The following RANBP2 variants were observed in gnomAD, a reference collection of about 807,000 sequenced individuals.
The protein encoded by RANBP2 is E3 SUMO-protein ligase RanBP2.
Under a neutral mutation model 303.6 loss-of-function variants are expected in RANBP2, and 57 were observed. The ratio of observed to expected loss-of-function variants is 0.19; its 90% CI spans 0.15 to 0.23. The LOEUF is 0.23. Ranked by LOEUF, RANBP2 falls within the 10% of genes least tolerant of loss-of-function variation. RANBP2 has a pLI of 1.00. For synonymous variants in RANBP2, 1,167 were observed against 1,301.5 expected (o/e 0.90, Z 2.23); for missense variants, 3,138 against 3,780.8 (o/e 0.83, Z 4.46).
At chr2:108,892,879 T>G in the RANBP2 span, among the ~76,000 whole-genome samples, 1 of 152,204 alleles carries the variant, frequency 6.6e-6, no homozygotes, top group Non-Finnish European at 1.5e-5. Flanking sequence ...CTCTCTTGGA[T>G]AATGTATTCA....
Position 108,755,318 on chromosome 2 carries a change from T to A in RANBP2, c.2466+59T>A. On this transcript the variant is annotated intron_variant, in intron 17 of 28. Transcript: ENST00000283195. ...ATTCCAAGATTCCTTCCCTGGCCAC[T>A]CTCTCACTTTTTTTCTGAAGCTGGT... 3 of 1,609,204 alleles carry A rather than the reference T, an allele frequency of 1.9e-6. No homozygotes were observed. The South Asian group carries it at 3.3e-5, about 18-fold the overall frequency.
At chr2:109,150,579 C>T in the RANBP2 span, among the ~76,000 whole-genome samples, 9 of 152,122 alleles carry the variant, frequency 5.9e-5, no homozygotes, top group South Asian at 4.1e-4. Flanking sequence ...ATTGTGCAGA[C>T]GGGGAAAGTG....
In RANBP2 at chr2:108,771,792, T is replaced by G; in HGVS notation, c.7941T>G (p.Leu2647=). The change falls in exon 21 of 29, where the codon CTT becomes CTG. Residue 2647 remains leucine, a synonymous_variant. Coordinates refer to ENST00000283195, the MANE Select transcript of RANBP2 (RefSeq NM_006267.5). The part of the protein sequence containing the change: ...ELTPTAEQKA[L]ATKLKLPPTF... Reference sequence around the variant, plus strand: ...CTCCAACCGCTGAGCAGAAAGCCCTTGCAACCAAACTTAAACTTCCTCCAA... The same window carrying G: ...CTCCAACCGCTGAGCAGAAAGCCCTGGCAACCAAACTTAAACTTCCTCCAA... 1 of 1,614,080 alleles carries G rather than the reference T, an allele frequency of 6.2e-7. No homozygotes were observed. The highest frequency in any genetic ancestry group is 2.2e-5 in the East Asian group (1 of 44,872).
chr2:109,509,515 C>T, the RANBP2 span, among the ~76,000 whole-genome samples: 6,958 of 152,026 alleles, frequency 0.046, 213 homozygotes, highest in South Asian at 0.072. Flanking sequence ...TCGTCTTGCC[C>T]GGATTCATCT....
chr2:109,616,108 A>G, the RANBP2 span: 1 of 1,447,726 alleles, frequency 6.9e-7, no homozygotes. Context: ...TATTTGTCTT[A>G]ATAAATTGAA....
chr2:108,870,630 G>A, the RANBP2 span, among the ~76,000 whole-genome samples: 49 of 152,256 alleles, frequency 3.2e-4, no homozygotes, highest in East Asian at 3.3e-3. Flanking sequence ...ATGTACATAC[G>A]GTAGACTATT....
chr2:108,722,301 G>A (rs1188144510), intron 1 of RANBP2, among the ~76,000 whole-genome samples: 3 of 152,108 alleles, frequency 2.0e-5, no homozygotes, highest in Non-Finnish European at 4.4e-5. Flanking sequence ...AGAACCTGGG[G>A]ATTTCAGCGG....
At chr2:109,097,736 GGTGTGTGTGTGTGTGTGT>G in the RANBP2 span, among the ~76,000 whole-genome samples, 2 of 146,698 alleles carry the variant, frequency 1.4e-5, no homozygotes, top group East Asian at 2.0e-4. Flanking sequence ...ATGTGCTTAG[GGTGTGTGTGTGTGTGTGT>G]GTGTGTGTGT....
the RANBP2 span, among the ~76,000 whole-genome samples, chr2:109,550,159 A>T: frequency 1.3e-5 from 2 of 151,692 alleles, no homozygotes; most frequent in Non-Finnish European, 2.9e-5. Context: ...GCATGGTGGC[A>T]CATGCCTATA....
At chr2:108,755,700 C>A (rs1676257373) in intron 17 of RANBP2, among the ~76,000 whole-genome samples, 2 of 151,870 alleles carry the variant, frequency 1.3e-5, no homozygotes, top group Admixed American at 1.3e-4. Context: ...GCCTACATAC[C>A]TCGGTCTTGA....
chr2:109,732,767 A>C, the RANBP2 span: 1 of 796,876 alleles, frequency 1.3e-6, no homozygotes, highest in Non-Finnish European at 2.2e-6. Context: ...TGGCAACAAG[A>C]CTGAATTGGA....
chr2:109,225,151 T>C, the RANBP2 span, among the ~76,000 whole-genome samples: 1 of 152,186 alleles, frequency 6.6e-6, no homozygotes, highest in Non-Finnish European at 1.5e-5. Flanking sequence ...TTTCCTCTTG[T>C]GTAAAATGAG....
the RANBP2 span, among the ~76,000 whole-genome samples, chr2:108,959,206 A>G: frequency 1.3e-5 from 2 of 152,364 alleles, no homozygotes; most frequent in South Asian, 4.1e-4. Flanking sequence ...AGGCTTCAGT[A>G]AAGCTGATGG....
the RANBP2 span, among the ~76,000 whole-genome samples, chr2:108,859,196 GT>G: frequency 6.6e-6 from 1 of 152,272 alleles, no homozygotes; most frequent in Admixed American, 6.5e-5. Flanking sequence ...CTACTTGTAT[GT>G]CTTCTTTTGA....
chr2:108,889,047 T>G, the RANBP2 span, among the ~76,000 whole-genome samples: 2 of 152,258 alleles, frequency 1.3e-5, no homozygotes, highest in Non-Finnish European at 2.9e-5. Context: ...TATTAATTTC[T>G]TTTTTATCCA....
the RANBP2 span, among the ~76,000 whole-genome samples, chr2:109,612,834 CTT>C: frequency 6.6e-6 from 1 of 152,126 alleles, no homozygotes; most frequent in Non-Finnish European, 1.5e-5. Context: ...GGAGAAAAAT[CTT>C]TGTCCAGGTT....
chr2:109,057,398 G>A, the RANBP2 span, among the ~76,000 whole-genome samples: 64 of 152,304 alleles, frequency 4.2e-4, no homozygotes, highest in African/African-American at 1.5e-3. Flanking sequence ...TCTTAGTGAC[G>A]GATGACAGCT....
At chr2:109,529,179 G>T in the RANBP2 span, among the ~76,000 whole-genome samples, 2,762 of 152,302 alleles carry the variant, frequency 0.018, 77 homozygotes, top group African/African-American at 0.062. Flanking sequence ...TCCTGGATGG[G>T]CTCAGGGACT....
chr2:109,500,756 C>G, the RANBP2 span, among the ~76,000 whole-genome samples: 2 of 152,096 alleles, frequency 1.3e-5, no homozygotes, highest in Admixed American at 6.5e-5. Context: ...CAAGACCAGC[C>G]TGGGCAACAT....
Sources: gnomAD v4.1 joint callset for allele counts (sites outside exome capture counted in the v4.1 genomes callset) on GRCh38, gnomAD v4.1.1 for gene constraint, MANE v1.5 for transcripts, NCBI Gene and HGNC (gene_info 2026-07-23, HGNC 2026-07-21) for gene names.